The following CHRM3 variants were observed in gnomAD, a reference collection of about 807,000 sequenced individuals.
CHRM3 encodes cholinergic receptor muscarinic 3.
A neutral mutation model predicts 41.8 loss-of-function variants in CHRM3; 11 were observed. The observed-to-expected ratio is 0.26, with a 90% confidence interval of 0.17 to 0.44. The LOEUF is 0.44. Ranked by LOEUF, CHRM3 falls within the 20% of genes least tolerant of loss-of-function variation. CHRM3 has a pLI of 1.00. For synonymous variants in CHRM3, 297 were observed against 301.4 expected (o/e 0.99, Z 0.15); for missense variants, 571 against 745.4 (o/e 0.77, Z 2.72).
At chr1:239,867,516 T>C (rs1676216701) in intron 6 of CHRM3, among the ~76,000 whole-genome samples, 1 of 151,990 alleles carries the variant, frequency 6.6e-6, no homozygotes, top group Non-Finnish European at 1.5e-5. Flanking sequence ...GGTGAAACCC[T>C]GTCTACTAAA....
chr1:239,578,725 C>T (rs901898587), intron 3 of CHRM3, among the ~76,000 whole-genome samples: 13 of 152,224 alleles, frequency 8.5e-5, no homozygotes, highest in African/African-American at 2.6e-4. Flanking sequence ...CATGCTTGAA[C>T]GAATGTCAAA....
chr1:239,714,525 C>T (rs1222775709), intron 5 of CHRM3, among the ~76,000 whole-genome samples: 1 of 152,006 alleles, frequency 6.6e-6, no homozygotes, highest in Non-Finnish European at 1.5e-5. Flanking sequence ...GTGCCAAGGC[C>T]CTGCGGTAGA....
chr1:239,733,323 G>A (rs958314541), intron 5 of CHRM3, among the ~76,000 whole-genome samples: 3 of 152,032 alleles, frequency 2.0e-5, no homozygotes, highest in African/African-American at 4.8e-5. Flanking sequence ...GTTGAAAGAG[G>A]GGGAAGAAGG....
intron 5 of CHRM3, among the ~76,000 whole-genome samples, chr1:239,699,857 T>C (rs2148077334): frequency 6.6e-6 from 1 of 152,300 alleles, no homozygotes; most frequent in South Asian, 2.1e-4. Flanking sequence ...CCTGAAACTG[T>C]GACCAAAACT....
chr1:239,442,430 C>A (rs778443060), intron 1 of CHRM3, among the ~76,000 whole-genome samples: 5 of 151,924 alleles, frequency 3.3e-5, no homozygotes, highest in African/African-American at 4.8e-5. Context: ...GTTCTTGATG[C>A]ATGCATAGGT....
chr1:239,909,022 C>T lies in CHRM3; in HGVS notation c.1571C>T (p.Thr524Ile), dbSNP rs201983181. The change falls in exon 7 of 7, where the codon ACC (threonine) becomes ATC (isoleucine). Residue 524 changes from threonine (T) to isoleucine (I), a missense_variant. Around this residue, in one of 5 missense-constraint regions of CHRM3, gnomAD observed 43 missense variants for 93.7 expected, o/e 0.46. Coordinates refer to ENST00000676153, the MANE Select transcript of CHRM3 (RefSeq NM_001375978.1). ...TTTTGTGACAGCTGCATACCCAAAA[C>T]CTTTTGGAATCTGGGCTACTGGCTG... ...NTFCDSCIPK[T>I]FWNLGYWLCY... 4.3e-4 allele frequency: 701 copies of T among 1,614,050 alleles called. No homozygotes were observed. Among genetic ancestry groups the T allele is most frequent in the Non-Finnish European group, 5.7e-4 (672 of 1,180,042 alleles).
chr1:239,751,164 G>C (rs1447887557), intron 5 of CHRM3, among the ~76,000 whole-genome samples: 2 of 151,746 alleles, frequency 1.3e-5, no homozygotes, highest in African/African-American at 4.8e-5. Flanking sequence ...CTTGAACCCG[G>C]GAGGCAGAGG....
chr1:239,399,393 A>G (rs1659772995), intron 1 of CHRM3, among the ~76,000 whole-genome samples: 1 of 148,908 alleles, frequency 6.7e-6, no homozygotes, highest in African/African-American at 2.5e-5. Context: ...AGCAGTTATC[A>G]CGTGTTAGTT....
At chr1:239,390,570 G>C (rs1658938976) in intron 1 of CHRM3, among the ~76,000 whole-genome samples, 1 of 151,768 alleles carries the variant, frequency 6.6e-6, no homozygotes, top group Non-Finnish European at 1.5e-5. Flanking sequence ...TCCACGGAGA[G>C]GGTGTGCAGG....
chr1:239,423,916 A>G (rs1022904508), intron 1 of CHRM3, among the ~76,000 whole-genome samples: 5 of 151,910 alleles, frequency 3.3e-5, no homozygotes, highest in Non-Finnish European at 7.4e-5. Flanking sequence ...TTAGCCAGGC[A>G]TGGTGGCGGG....
chr1:239,807,526 G>C (rs1670749724), intron 5 of CHRM3, among the ~76,000 whole-genome samples: 1 of 152,212 alleles, frequency 6.6e-6, no homozygotes, highest in Non-Finnish European at 1.5e-5. Flanking sequence ...TTGGAGAAGT[G>C]AATGGAAAAT....
intron 5 of CHRM3, among the ~76,000 whole-genome samples, chr1:239,697,780 C>T (rs764921700): frequency 6.6e-6 from 1 of 152,188 alleles, no homozygotes; most frequent in African/African-American, 2.4e-5. Context: ...TTCCCCATTG[C>T]CTCCCATAGT....
intron 1 of CHRM3, among the ~76,000 whole-genome samples, chr1:239,451,898 A>G (rs1316791350): frequency 6.6e-6 from 1 of 152,182 alleles, no homozygotes; most frequent in East Asian, 1.9e-4. Context: ...ATTTTTAAGT[A>G]GTTACTATTT....
At chr1:239,821,369 AG>A (rs1672030921) in intron 5 of CHRM3, among the ~76,000 whole-genome samples, 1 of 152,178 alleles carries the variant, frequency 6.6e-6, no homozygotes, top group Non-Finnish European at 1.5e-5. Context: ...GTGTCCTACA[AG>A]GCAGGGCAAA....
At chr1:239,624,496 G>C (rs575646991) in intron 3 of CHRM3, among the ~76,000 whole-genome samples, 2 of 139,324 alleles carry the variant, frequency 1.4e-5, no homozygotes, top group Non-Finnish European at 3.1e-5. Flanking sequence ...AGAAGCTCTT[G>C]AGTTTAATTA....
intron 2 of CHRM3, among the ~76,000 whole-genome samples, chr1:239,502,767 A>G (rs892536030): frequency 6.6e-6 from 1 of 152,204 alleles, no homozygotes; most frequent in African/African-American, 2.4e-5. Flanking sequence ...ACACAAGTCA[A>G]TAACTGTGAT....
intron 6 of CHRM3, among the ~76,000 whole-genome samples, chr1:239,827,625 A>G (rs1254591241): frequency 1.3e-5 from 2 of 152,206 alleles, no homozygotes; most frequent in Non-Finnish European, 2.9e-5. Context: ...GTACCTAGAA[A>G]TAGCACGTTT....
intron 4 of CHRM3, among the ~76,000 whole-genome samples, chr1:239,649,675 G>T (rs2148961371): frequency 6.6e-6 from 1 of 152,226 alleles, no homozygotes; most frequent in African/African-American, 2.4e-5. Flanking sequence ...CAGGAAGGAA[G>T]GATAAACTGA....
At chr1:239,582,758 C>G (rs1301613853) in intron 3 of CHRM3, among the ~76,000 whole-genome samples, 1 of 152,240 alleles carries the variant, frequency 6.6e-6, no homozygotes, top group Non-Finnish European at 1.5e-5. Flanking sequence ...TATGTCACTC[C>G]CCTACAGAAG....
Sources: allele counts gnomAD v4.1 joint callset (sites outside exome capture counted in the v4.1 genomes callset), GRCh38; gene constraint gnomAD v4.1.1; regional missense constraint gnomAD v4.1.1; transcripts MANE v1.5; gene names NCBI Gene and HGNC (gene_info 2026-07-23, HGNC 2026-07-21).